Variants in CDH9 observed in about 807,000 individuals in gnomAD.
CDH9 encodes cadherin-9.
Under a neutral mutation model 70.9 loss-of-function variants are expected in CDH9, and 28 were observed. The ratio of observed to expected loss-of-function variants is 0.40; its 90% CI spans 0.29 to 0.54. The LOEUF is 0.54. Ranked by LOEUF, CDH9 falls within the 20% of genes least tolerant of loss-of-function variation. The pLI, the probability that CDH9 is intolerant of heterozygous loss-of-function variation, is 0.59. For synonymous variants in CDH9, 409 were observed against 343.1 expected (o/e 1.19, Z -2.12); for missense variants, 874 against 984.4 (o/e 0.89, Z 1.50).
chr5:27,027,571 G>T (rs557935975), intron 1 of CDH9, among the ~76,000 whole-genome samples: 5 of 152,136 alleles, frequency 3.3e-5, no homozygotes, highest in Admixed American at 3.3e-4. Flanking sequence ...GGCATTAGAA[G>T]ACTTTCTCAA....
chr5:26,935,251 G>A lies in CDH9; in HGVS notation c.229-19327C>T, dbSNP rs566786586. On this transcript the variant is annotated intron_variant, in intron 2 of 11. Coordinates refer to ENST00000231021, the MANE Select transcript of CDH9 (RefSeq NM_016279.4). Reference sequence around the variant, plus strand: ...GAATATTTTCTAAATGATGACAAAGGACATCTACAAAAATTTGTACAGCCA... The same window carrying A: ...GAATATTTTCTAAATGATGACAAAGAACATCTACAAAAATTTGTACAGCCA... Among the ~76,000 whole-genome samples the A allele has an allele frequency of 5.3e-5, 8 of 152,116 alleles. No homozygotes were observed. The East Asian group carries it at 1.5e-3, about 29-fold the overall frequency.
chr5:26,891,738 T>C (rs769694990), intron 7 of CDH9, among the ~76,000 whole-genome samples: 3 of 151,908 alleles, frequency 2.0e-5, no homozygotes, highest in African/African-American at 4.8e-5. Flanking sequence ...TTTAGAGAGA[T>C]GAAACAGAAG....
chr5:26,881,333 C>T lies in CDH9; in HGVS notation c.2173G>A (p.Ala725Thr), dbSNP rs942531167. 1 of 1,613,074 alleles carries T rather than the reference C, an allele frequency of 6.2e-7. No homozygotes were observed. Among genetic ancestry groups the T allele is most frequent in the South Asian group, 1.1e-5 (1 of 91,062 alleles). ...TCATATGGAGGTGCACTTGGGTCTG[C>T]GTCGTTTTCTTTTAATCTTCGATGG... Reference protein sequence around the residue: ...FIHRRLKENDADPSAPPYDSL... With the variant: ...FIHRRLKENDTDPSAPPYDSL... Residue 725 changes from alanine (A) to threonine (T), a missense_variant, in exon 12 of 12, where the codon GCA becomes ACA. By Grantham distance (58) the Ala-to-Thr change is moderately conservative. Transcript: ENST00000231021.
At chr5:27,036,307 C>T (rs142575782) in intron 1 of CDH9, among the ~76,000 whole-genome samples, 1 of 151,848 alleles carries the variant, frequency 6.6e-6, no homozygotes, top group South Asian at 2.1e-4. Context: ...CAGAACAAAT[C>T]CCTCCATGTA....
At chr5:26,926,045 C>T (rs1449104964) in intron 2 of CDH9, among the ~76,000 whole-genome samples, 2 of 152,086 alleles carry the variant, frequency 1.3e-5, no homozygotes, top group Non-Finnish European at 2.9e-5. Context: ...ACAGGGATGC[C>T]CTCTCTCACC....
In CDH9 at chr5:27,030,944, C is replaced by T. The variant is rs965571635; in HGVS notation, c.-50+7519G>A. Among the ~76,000 whole-genome samples the T allele has an allele frequency of 2.0e-5, 3 of 151,628 alleles. No homozygotes were observed. The Admixed American group carries it at 2.0e-4, about 10-fold the overall frequency. On this transcript the variant is annotated intron_variant, in intron 1 of 11. Coordinates refer to ENST00000231021, the MANE Select transcript of CDH9 (RefSeq NM_016279.4). ...TATCTAGAACATTTTAAATCACATGCTAACTACTAAAAATATCTTCTGTAA... is the reference window on the plus strand; with the variant it reads ...TATCTAGAACATTTTAAATCACATGTTAACTACTAAAAATATCTTCTGTAA...
intron 2 of CDH9, among the ~76,000 whole-genome samples, chr5:26,957,936 C>T (rs1363738738): frequency 1.3e-5 from 2 of 152,082 alleles, no homozygotes; most frequent in Non-Finnish European, 2.9e-5. Flanking sequence ...ATGAAGCAAA[C>T]AAAGTTAGTC....
chr5:26,919,413 A>G (rs1167874442), intron 2 of CDH9, among the ~76,000 whole-genome samples: 2 of 152,216 alleles, frequency 1.3e-5, no homozygotes, highest in African/African-American at 4.8e-5. Context: ...CCCAGTGGTC[A>G]GAAGCCAAAT....
intron 7 of CDH9, among the ~76,000 whole-genome samples, chr5:26,896,871 G>A (rs527764020): frequency 1.3e-5 from 2 of 151,996 alleles, no homozygotes; most frequent in East Asian, 3.9e-4. Context: ...AAAAATCAAT[G>A]AATTCAGGAG....
chr5:26,981,071 G>T (rs957865525), intron 2 of CDH9, among the ~76,000 whole-genome samples: 1 of 152,078 alleles, frequency 6.6e-6, no homozygotes, highest in Non-Finnish European at 1.5e-5. Context: ...TGGTGGAAGA[G>T]AAGAGGTATA....
intron 1 of CDH9, among the ~76,000 whole-genome samples, chr5:27,027,672 A>T (rs1743242867): frequency 6.6e-6 from 1 of 151,992 alleles, no homozygotes. Context: ...ACTATCAAAA[A>T]ATATTGCCTA....
Position 26,905,984 on chromosome 5 carries a change from G to A in CDH9, c.786C>T (p.Asn262=), listed in dbSNP as rs367702465. 3 of 1,613,594 alleles carry A rather than the reference G, an allele frequency of 1.9e-6. No individual in the cohort carries two copies. In the African/African-American group the frequency reaches 4.0e-5, roughly 22 times the overall value. ...TTVNITLTDV[N]NNPPRFPQST... ...TCTGGGGAAATCGAGGAGGGTTGTT[G>A]TTGACATCTGTCAGCGTGATGTTCA... The change falls in exon 5 of 12, where the codon AAC becomes AAT. Residue 262 remains asparagine, a synonymous_variant. Transcript: ENST00000231021.
intron 1 of CDH9, among the ~76,000 whole-genome samples, chr5:27,031,536 T>C (rs1743310502): frequency 6.6e-6 from 1 of 151,956 alleles, no homozygotes; most frequent in Non-Finnish European, 1.5e-5. Context: ...TAACATTGTA[T>C]TATTTCCTGA....
intron 7 of CDH9, among the ~76,000 whole-genome samples, chr5:26,899,175 C>CGCTGGAGAGTAT (rs58580580): frequency 0.055 from 8,392 of 152,002 alleles, 261 homozygotes; most frequent in East Asian, 0.13. Flanking sequence ...AAGCAAAAGA[C>CGCTGGAGAGTAT]GCTGGAGAGT....
intron 1 of CDH9, among the ~76,000 whole-genome samples, chr5:27,033,056 A>G (rs970519926): frequency 2.6e-5 from 4 of 151,284 alleles, no homozygotes; most frequent in Non-Finnish European, 5.9e-5. Flanking sequence ...CATTCAATAA[A>G]GAATAATTAT....
chr5:26,958,239 C>A (rs927839620), intron 2 of CDH9, among the ~76,000 whole-genome samples: 1 of 152,080 alleles, frequency 6.6e-6, no homozygotes, highest in Non-Finnish European at 1.5e-5. Context: ...GGACATTAAC[C>A]AAAGAACCTT....
intron 11 of CDH9, among the ~76,000 whole-genome samples, chr5:26,885,091 A>T (rs972017169): frequency 2.0e-5 from 3 of 152,200 alleles, no homozygotes; most frequent in African/African-American, 7.2e-5. Context: ...TCTGATATAG[A>T]TAATTCAGAA....
chr5:26,956,189 G>A (rs1461885575), intron 2 of CDH9, among the ~76,000 whole-genome samples: 2 of 152,088 alleles, frequency 1.3e-5, no homozygotes, highest in Non-Finnish European at 2.9e-5. Flanking sequence ...CATGGGGACA[G>A]GTCTTTCCTG....
chr5:27,011,104 G>A (rs1388950451), intron 1 of CDH9, among the ~76,000 whole-genome samples: 1 of 152,020 alleles, frequency 6.6e-6, no homozygotes, highest in African/African-American at 2.4e-5. Flanking sequence ...AGTTAGAGGT[G>A]GGGGAGAAGT....
Sources: allele counts gnomAD v4.1 joint callset (sites outside exome capture counted in the v4.1 genomes callset), GRCh38; gene constraint gnomAD v4.1.1; transcripts MANE v1.5; gene names NCBI Gene and HGNC (gene_info 2026-07-23, HGNC 2026-07-21).